Variants in RNF13 observed in about 807,000 individuals in gnomAD.
RNF13 encodes the protein ring finger protein 13, also known as E3 ubiquitin-protein ligase RNF13.
In RNF13, 19 loss-of-function variants were observed where a neutral mutation model predicts 37.7. The ratio of observed to expected loss-of-function variants is 0.50; its 90% CI spans 0.35 to 0.74. RNF13 has a LOEUF of 0.74. Ranked by LOEUF, RNF13 falls within the 30% of genes least tolerant of loss-of-function variation. The pLI is 0.01. For synonymous variants in RNF13, 144 were observed against 157.8 expected, an observed-to-expected ratio of 0.91 and a Z score of 0.65; for missense variants, 375 against 453.0, an observed-to-expected ratio of 0.83 and a Z score of 1.56.
chr3:149,942,031 T>G (rs1250430955), intron 8 of RNF13, among the ~76,000 whole-genome samples: 1 of 152,004 alleles, frequency 6.6e-6, no homozygotes, highest in African/African-American at 2.4e-5. Context: ...TATACAAGGG[T>G]TTATTCCTAG....
chr3:149,946,404 TGGACTTCTCCAGTGA>T (rs1269273278), intron 8 of RNF13, among the ~76,000 whole-genome samples: 1 of 152,242 alleles, frequency 6.6e-6, no homozygotes, highest in African/African-American at 2.4e-5. Flanking sequence ...TAAATATTTG[TGGACTTCTCCAGTGA>T]GGACTTCTCC....
intron 3 of RNF13, among the ~76,000 whole-genome samples, chr3:149,860,310 A>G (rs1724127099): frequency 6.9e-6 from 1 of 145,482 alleles, no homozygotes; most frequent in Admixed American, 6.9e-5. Flanking sequence ...TAACGTGTAT[A>G]TATAATGTAT....
chr3:149,885,730 A>G (rs1199738267), intron 4 of RNF13, among the ~76,000 whole-genome samples: 1 of 151,988 alleles, frequency 6.6e-6, no homozygotes, highest in African/African-American at 2.4e-5. Flanking sequence ...GAAGGCTTTT[A>G]TCTTGATAGG....
At position 149,852,605 on chromosome 3, in the gene RNF13, G is replaced by C. The variant is rs1475332251; in HGVS notation, c.195+9G>C. 8 of 1,408,338 alleles carry C rather than the reference G, an allele frequency of 5.7e-6. No homozygotes were observed. The highest frequency in any genetic ancestry group is 7.9e-6 in the Non-Finnish European group (8 of 1,017,636). The allele number at this position is 1,408,338 out of a possible 1,614,324, so 87.2% of individuals were successfully genotyped here. On this transcript the variant is annotated intron_variant, in intron 3 of 9. Transcript: ENST00000392894. ...CAGCTGAAGGTTTAAAGGTAAGACA[G>C]TTGGTAATACATTGTAAAGACACAA...
chr3:149,932,875 G>T (rs895573814), intron 8 of RNF13, among the ~76,000 whole-genome samples: 2 of 152,212 alleles, frequency 1.3e-5, no homozygotes, highest in African/African-American at 4.8e-5. Context: ...CTGTGTTGGG[G>T]ATCCAACCTT....
At chr3:149,819,894 A>G (rs1264732533) in intron 1 of RNF13, among the ~76,000 whole-genome samples, 2 of 152,026 alleles carry the variant, frequency 1.3e-5, no homozygotes, top group East Asian at 3.9e-4. Flanking sequence ...TGTTTCAACG[A>G]TGTAGATCTT....
At chr3:149,819,200 T>C (rs563292483) in intron 1 of RNF13, among the ~76,000 whole-genome samples, 19 of 152,334 alleles carry the variant, frequency 1.2e-4, no homozygotes, top group African/African-American at 3.8e-4. Flanking sequence ...GTAGATAATA[T>C]AGAGCCAAGC....
intron 3 of RNF13, among the ~76,000 whole-genome samples, chr3:149,864,274 C>T (rs370110934): frequency 3.9e-4 from 59 of 151,968 alleles, no homozygotes; most frequent in African/African-American, 1.3e-3. Flanking sequence ...CCTCTCTTCT[C>T]CTCTTTCATC....
intron 4 of RNF13, among the ~76,000 whole-genome samples, chr3:149,875,554 A>G: frequency 6.6e-6 from 1 of 152,230 alleles, no homozygotes; most frequent in East Asian, 1.9e-4. Context: ...CGAAGGCAGC[A>G]GAAATGCAAT....
intron 2 of RNF13, among the ~76,000 whole-genome samples, chr3:149,847,002 C>T (rs924264073): frequency 1.3e-5 from 2 of 152,140 alleles, no homozygotes; most frequent in Admixed American, 1.3e-4. Context: ...CTTTCCTCCA[C>T]ACTGGGGAGT....
At chr3:149,888,949 C>CT (rs1229600923) in intron 4 of RNF13, among the ~76,000 whole-genome samples, 2 of 152,088 alleles carry the variant, frequency 1.3e-5, no homozygotes, top group Non-Finnish European at 2.9e-5. Context: ...CCAGATTTGT[C>CT]TTTTTTTGAG....
At chr3:149,935,342 T>G (rs1314748473) in intron 8 of RNF13, among the ~76,000 whole-genome samples, 1 of 152,192 alleles carries the variant, frequency 6.6e-6, no homozygotes, top group African/African-American at 2.4e-5. Context: ...ACTCTATGTC[T>G]TTTAATTAGA....
chr3:149,932,363 A>T (rs1162707767), intron 8 of RNF13, among the ~76,000 whole-genome samples: 2 of 152,080 alleles, frequency 1.3e-5, no homozygotes, highest in Admixed American at 1.3e-4. Context: ...GTAGTACAAT[A>T]CAATCATCTC....
chr3:149,955,740 A>G (rs748067196), intron 8 of RNF13, among the ~76,000 whole-genome samples: 2 of 152,154 alleles, frequency 1.3e-5, no homozygotes, highest in South Asian at 2.1e-4. Flanking sequence ...AGTGAAATCT[A>G]TATGTATTTA....
chr3:149,887,240 T>C lies in RNF13; in HGVS notation c.322-8233T>C, dbSNP rs181391825. On this transcript the variant is annotated intron_variant, in intron 4 of 9. Coordinates refer to ENST00000392894, the MANE Select transcript of RNF13 (RefSeq NM_183381.3). Reference sequence around the variant, plus strand: ...GCCCTGTCACACAGTTCAACAATGATAGTTGGAGACTGCAATGCCCCAATT... The same window carrying C: ...GCCCTGTCACACAGTTCAACAATGACAGTTGGAGACTGCAATGCCCCAATT... Among the ~76,000 whole-genome samples, 146 of 152,278 alleles carry C rather than the reference T, an allele frequency of 9.6e-4. 1 individual carries two copies. Among genetic ancestry groups the C allele is most frequent in the South Asian group, 3.5e-3 (17 of 4,820 alleles).
intron 8 of RNF13, among the ~76,000 whole-genome samples, chr3:149,956,422 A>C (rs1299527000): frequency 6.6e-6 from 1 of 152,204 alleles, no homozygotes; most frequent in Non-Finnish European, 1.5e-5. Context: ...CCTAGGCCTG[A>C]TATTTAGTTC....
intron 5 of RNF13, among the ~76,000 whole-genome samples, chr3:149,901,289 A>G (rs1484428219): frequency 6.6e-6 from 1 of 152,232 alleles, no homozygotes; most frequent in Non-Finnish European, 1.5e-5. Flanking sequence ...AAAGAAAACA[A>G]ATGGGCCTTC....
intron 4 of RNF13, among the ~76,000 whole-genome samples, chr3:149,879,794 A>G (rs1373740757): frequency 6.6e-6 from 1 of 152,220 alleles, no homozygotes; most frequent in African/African-American, 2.4e-5. Context: ...TCTTGTGTTT[A>G]TAATAGCTTG....
At chr3:149,906,283 CTTT>C (rs55797755) in intron 6 of RNF13, among the ~76,000 whole-genome samples, 4,544 of 150,710 alleles carry the variant, frequency 0.03, 79 homozygotes, top group South Asian at 0.037. Context: ...GTGAATAATG[CTTT>C]TTTTTTCACT....
Sources: gnomAD v4.1 joint callset for allele counts (sites outside exome capture counted in the v4.1 genomes callset) on GRCh38, gnomAD v4.1.1 for gene constraint, MANE v1.5 for transcripts, NCBI Gene and HGNC (gene_info 2026-07-23, HGNC 2026-07-21) for gene names.